Variants in FRMD6 observed in about 807,000 individuals in gnomAD.
FRMD6 encodes FERM domain containing 6.
In FRMD6, 37 loss-of-function variants were observed where a neutral mutation model predicts 73.2. That is an observed-to-expected ratio of 0.51 (90% confidence interval 0.39 to 0.66). The LOEUF (loss-of-function observed/expected upper bound fraction) is 0.66, where lower values mean the gene tolerates loss of function less well. Ranked by LOEUF, FRMD6 falls within the 30% of genes least tolerant of loss-of-function variation. FRMD6 has a pLI of 0.00. For synonymous variants in FRMD6, 273 were observed against 282.2 expected, an observed-to-expected ratio of 0.97 and a Z score of 0.33; for missense variants, 714 against 780.5, an observed-to-expected ratio of 0.91 and a Z score of 1.02.
At chr14:51,609,454 T>C (rs1049849957) in intron 2 of FRMD6, among the ~76,000 whole-genome samples, 1 of 152,002 alleles carries the variant, frequency 6.6e-6, no homozygotes, top group Admixed American at 6.6e-5. Flanking sequence ...CAGGAAACGG[T>C]TGGGGAGAAC....
At chr14:51,402,472 T>G in the FRMD6 span, among the ~76,000 whole-genome samples, 254 of 152,154 alleles carry the variant, frequency 1.7e-3, 2 homozygotes, top group African/African-American at 5.8e-3. Flanking sequence ...AACGGGAGTT[T>G]CCCTGCAAAA....
At chr14:51,546,856 C>T (rs1025280487) in intron 1 of FRMD6, 2 of 152,136 alleles carry the variant, frequency 1.3e-5, no homozygotes, top group African/African-American at 2.4e-5. Context: ...GATAGTATCA[C>T]TACAGGAACT....
chr14:51,604,742 A>G (rs944598710), intron 2 of FRMD6, among the ~76,000 whole-genome samples: 5 of 152,100 alleles, frequency 3.3e-5, no homozygotes, highest in African/African-American at 4.8e-5. Context: ...CTCCTTGTCT[A>G]TCTTCTTGTC....
At chr14:51,595,654 A>G (rs1470063591) in intron 2 of FRMD6, among the ~76,000 whole-genome samples, 2 of 152,214 alleles carry the variant, frequency 1.3e-5, no homozygotes, top group African/African-American at 4.8e-5. Context: ...TGTTTCATGG[A>G]AAAGCCAATT....
At chr14:51,563,369 G>A (rs542888281) in intron 1 of FRMD6, among the ~76,000 whole-genome samples, 1 of 152,286 alleles carries the variant, frequency 6.6e-6, no homozygotes, top group Admixed American at 6.5e-5. Context: ...CTAGAGCCAT[G>A]GTAGAAAAAA....
chr14:51,557,265 TATAC>T (rs897380289), intron 1 of FRMD6, among the ~76,000 whole-genome samples: 156 of 124,568 alleles, frequency 1.3e-3, no homozygotes, highest in African/African-American at 4.5e-3. Context: ...TATATATATA[TATAC>T]ACACATACAT....
chr14:51,442,811 G>C, the FRMD6 span, among the ~76,000 whole-genome samples: 1 of 152,166 alleles, frequency 6.6e-6, no homozygotes, highest in Non-Finnish European at 1.5e-5. Context: ...GACCTCTTTA[G>C]TATAACCATT....
At chr14:51,642,908 G>T (rs1338844251) in intron 2 of FRMD6, among the ~76,000 whole-genome samples, 1 of 152,190 alleles carries the variant, frequency 6.6e-6, no homozygotes, top group Non-Finnish European at 1.5e-5. Flanking sequence ...GGGAGCAGGG[G>T]ATACAGAGCT....
At chr14:51,580,993 G>A (rs1040851229) in intron 2 of FRMD6, among the ~76,000 whole-genome samples, 1 of 152,138 alleles carries the variant, frequency 6.6e-6, no homozygotes, top group African/African-American at 2.4e-5. Context: ...ACTAGAGCTT[G>A]AGCTAGTGTG....
At chr14:51,673,095 T>A (rs1287020470) in intron 1 of FRMD6, among the ~76,000 whole-genome samples, 2 of 152,166 alleles carry the variant, frequency 1.3e-5, no homozygotes, top group Non-Finnish European at 2.9e-5. Flanking sequence ...GACTGAAGCT[T>A]TACTTGGCCT....
At chr14:51,487,836 A>T (rs8013579), upstream of FRMD6, among the ~76,000 whole-genome samples, 110,104 of 151,988 alleles carry the variant, frequency 0.72, 39,978 homozygotes, top group South Asian at 0.8. Context: ...ATACTGTAGA[A>T]ATGAATGTTA....
At chr14:51,569,107 A>C (rs1334652209) in intron 1 of FRMD6, among the ~76,000 whole-genome samples, 2 of 152,054 alleles carry the variant, frequency 1.3e-5, no homozygotes, top group African/African-American at 4.8e-5. Context: ...CTGCCACCCA[A>C]AATGCTGGGA....
chr14:51,613,026 C>A (rs1890574809), intron 2 of FRMD6, among the ~76,000 whole-genome samples: 1 of 152,028 alleles, frequency 6.6e-6, no homozygotes, highest in Non-Finnish European at 1.5e-5. Flanking sequence ...TGAAAGAAAA[C>A]CGTGGTGTGA....
At chr14:51,512,089 G>A (rs59872184) in intron 1 of FRMD6, among the ~76,000 whole-genome samples, 2 of 151,930 alleles carry the variant, frequency 1.3e-5, no homozygotes, top group African/African-American at 2.4e-5. Context: ...AAATGAAGAC[G>A]GCTAACTTTT....
chr14:51,522,459 A>G (rs1392451483), intron 1 of FRMD6, among the ~76,000 whole-genome samples: 2 of 152,196 alleles, frequency 1.3e-5, no homozygotes, highest in Admixed American at 1.3e-4. Context: ...TTTGTTGTTT[A>G]GGTTTCTGTC....
rs1898081018 is a variant in FRMD6, at chr14:51,728,012, C to G, written c.1852C>G (p.Pro618Ala). 1.2e-6 allele frequency: 2 copies of G among 1,609,452 alleles called. No homozygotes were observed. Among genetic ancestry groups the G allele is most frequent in the African/African-American group, 1.3e-5 (1 of 74,840 alleles). ...FSLDLTHDEV[P>A]EFVV ...TCTGGATCTCACTCATGATGAAGTT[C>G]CAGAGTTTGTTGTGTAAAGTCCGTC... The change falls in exon 14 of 14, where the codon CCA becomes GCA. Residue 618 changes from proline to alanine, a missense_variant. Pro to Ala is a conservative substitution (Grantham distance 27). Coordinates refer to ENST00000344768, the MANE Select transcript of FRMD6 (RefSeq NM_001267046.2).
Position 51,701,100 on chromosome 14 carries a change from T to C in FRMD6, c.235T>C (p.Tyr79His). Reference protein sequence around the residue: ...YMELSQKLYKYCPKEWKKEAS... With the variant: ...YMELSQKLYKHCPKEWKKEAS... Reference sequence around the variant, plus strand: ...GGAGTTGTCACAAAAGCTTTACAAATATTGTCCAAAAGAATGGAAGAAAGA... The same window carrying C: ...GGAGTTGTCACAAAAGCTTTACAAACATTGTCCAAAAGAATGGAAGAAAGA... Residue 79 changes from tyrosine (Y) to histidine (H), a missense_variant, in exon 4 of 14, where the codon TAT becomes CAT. Transcript: ENST00000344768. The C allele has an allele frequency of 2.5e-6, 4 of 1,579,096 alleles. No homozygotes were observed. The highest frequency in any genetic ancestry group is 3.5e-6 in the Non-Finnish European group (4 of 1,159,224).
chr14:51,704,866 T>C lies in FRMD6; in HGVS notation c.489T>C (p.Asp163=), dbSNP rs1594761135. The change falls in exon 6 of 14, where the codon GAT becomes GAC. Residue 163 remains aspartate, a synonymous_variant. Coordinates refer to ENST00000344768, the MANE Select transcript of FRMD6 (RefSeq NM_001267046.2). ...FLLAAFALQA[D]LGNFKRNKHY... is the part of the protein sequence containing the mutation. ...TGGCAGCCTTTGCCCTGCAGGCTGA[T>C]CTTGGGAACTTCAAAAGGAATAAGC... 1 of 1,613,478 alleles carries C rather than the reference T, an allele frequency of 6.2e-7. No individual in the cohort carries two copies. The highest frequency in any genetic ancestry group is 2.2e-5 in the East Asian group (1 of 44,858).
At chr14:51,434,349 G>T in the FRMD6 span, among the ~76,000 whole-genome samples, 2 of 152,116 alleles carry the variant, frequency 1.3e-5, no homozygotes, top group African/African-American at 4.8e-5. Context: ...TTGTAGAATT[G>T]GTTGACTCCA....
Sources: gnomAD v4.1 joint callset for allele counts (sites outside exome capture counted in the v4.1 genomes callset) on GRCh38, gnomAD v4.1.1 for gene constraint, MANE v1.5 for transcripts, NCBI Gene and HGNC (gene_info 2026-07-23, HGNC 2026-07-21) for gene names.